Variants in THADA observed in about 807,000 individuals in gnomAD.
The protein encoded by THADA is THADA armadillo repeat containing.
In THADA, 213 loss-of-function variants were observed where a neutral mutation model predicts 219.8. That is an observed-to-expected ratio of 0.97 (90% confidence interval 0.87 to 1.09). The LOEUF is 1.09. Ranked by LOEUF, THADA falls within the 50% of genes least tolerant of loss-of-function variation. THADA has a pLI of 0.00. For missense variants in THADA, 2,956 were observed against 2,311.3 expected, an observed-to-expected ratio of 1.28 and a Z score of -5.72; for synonymous variants, 1,018 against 828.9, an observed-to-expected ratio of 1.23 and a Z score of -3.92.
At chr2:43,575,702 A>G (rs1699780977) in intron 10 of THADA, among the ~76,000 whole-genome samples, 1 of 151,848 alleles carries the variant, frequency 6.6e-6, no homozygotes, top group African/African-American at 2.4e-5. Flanking sequence ...ATGCCTAGAT[A>G]ATTTTTTGTA....
chr2:43,327,837 T>G (rs1216999977), intron 30 of THADA, among the ~76,000 whole-genome samples: 1 of 152,196 alleles, frequency 6.6e-6, no homozygotes, highest in Non-Finnish European at 1.5e-5. Context: ...TCCAGACAAC[T>G]ACCTCTGAGG....
chr2:43,511,277 T>G (rs572161961), intron 22 of THADA, among the ~76,000 whole-genome samples: 93 of 152,282 alleles, frequency 6.1e-4, no homozygotes, highest in African/African-American at 2.2e-3. Flanking sequence ...ATTTCCTAAG[T>G]GTGCTGAAAT....
chr2:43,253,341 T>A (rs1670000015), intron 36 of THADA, among the ~76,000 whole-genome samples: 1 of 151,964 alleles, frequency 6.6e-6, no homozygotes, highest in Non-Finnish European at 1.5e-5. Context: ...TTGGGGAGGA[T>A]AAGAAGACAG....
chr2:43,445,521 C>A lies in THADA; in HGVS notation c.3837-15219G>T, dbSNP rs555830495. Reference sequence around the variant, plus strand: ...AGTCTGTGTATTCATAGCGATGGATCTACCAGGAAGCCCTTTCAGGCAGAC... The same window carrying A: ...AGTCTGTGTATTCATAGCGATGGATATACCAGGAAGCCCTTTCAGGCAGAC... On this transcript the variant is annotated intron_variant, in intron 26 of 37. Transcript: ENST00000405975. Among the ~76,000 whole-genome samples, 187 of 152,346 alleles carry A rather than the reference C, an allele frequency of 1.2e-3. 1 individual carries two copies. The highest frequency in any genetic ancestry group is 1.1e-3 in the Non-Finnish European group (75 of 68,030).
chr2:43,547,758 T>C (rs1696221102), intron 20 of THADA, among the ~76,000 whole-genome samples: 2 of 152,334 alleles, frequency 1.3e-5, no homozygotes, highest in East Asian at 1.9e-4. Flanking sequence ...ATTCTAGTTA[T>C]ACATTTGTCT....
chr2:43,383,535 G>C (rs529734177), intron 29 of THADA, among the ~76,000 whole-genome samples: 3 of 152,170 alleles, frequency 2.0e-5, no homozygotes, highest in Non-Finnish European at 4.4e-5. Flanking sequence ...CAACCATCTA[G>C]CTACTAGCTG....
chr2:43,549,503 G>C, intron 19 of THADA, 135 bp from the exon 20 acceptor site: 2 of 860,430 alleles, frequency 2.3e-6, no homozygotes, highest in Non-Finnish European at 3.4e-6. Flanking sequence ...CTCACAAGGT[G>C]GATAATATGA....
Position 43,574,948 on chromosome 2 carries a change from A to C in THADA, c.1117T>G (p.Ser373Ala). 6.2e-7 allele frequency: 1 copy of C among 1,614,034 alleles called. No individual in the cohort carries two copies. The highest frequency in any genetic ancestry group is 8.5e-7 in the Non-Finnish European group (1 of 1,179,900). ...WTNSAIQVLE[S>A]SSPSLTDSLN... ...CTGTCCGTTAGGCTCGGGGAACTTG[A>C]TTCAAGGACTTGTATGGCTGAATTA... is the stretch of plus-strand genomic sequence containing the variant. Residue 373 changes from serine (S) to alanine (A), a missense_variant, in exon 11 of 38, where the codon TCA (serine) becomes GCA (alanine). Ser to Ala is a moderately conservative substitution (Grantham distance 99). Coordinates refer to ENST00000405975, the MANE Select transcript of THADA (RefSeq NM_022065.5).
chr2:43,339,283 A>G lies in THADA; in HGVS notation c.4343+4839T>C, dbSNP rs13422828. ...TCACATCCACTGCATGCATGCATTC[A>G]TTCATTCATTTTCTTGAGACAGAGT... On this transcript the variant is annotated intron_variant, in intron 30 of 37. Coordinates refer to ENST00000405975, the MANE Select transcript of THADA (RefSeq NM_022065.5). Among the ~76,000 whole-genome samples, 585 of 152,274 alleles carry G rather than the reference A, an allele frequency of 3.8e-3. 6 individuals carry two copies. Among genetic ancestry groups the G allele is most frequent in the African/African-American group, 0.013 (559 of 41,528 alleles).
At chr2:43,312,988 T>A (rs991727356) in intron 31 of THADA, among the ~76,000 whole-genome samples, 1 of 152,158 alleles carries the variant, frequency 6.6e-6, no homozygotes, top group African/African-American at 2.4e-5. Context: ...AAAGCAGGTG[T>A]TTGTAAGATG....
chr2:43,283,684 T>C (rs189042932), intron 35 of THADA, among the ~76,000 whole-genome samples: 13 of 152,292 alleles, frequency 8.5e-5, no homozygotes, highest in East Asian at 1.9e-4. Flanking sequence ...CAGAAAAAAT[T>C]TGTAAGCAGC....
chr2:43,471,954 A>T (rs1375178264), intron 26 of THADA, among the ~76,000 whole-genome samples: 6 of 152,176 alleles, frequency 3.9e-5, no homozygotes, highest in African/African-American at 1.4e-4. Context: ...ATGCACACAA[A>T]CCCACTCAAG....
intron 36 of THADA, among the ~76,000 whole-genome samples, chr2:43,256,220 C>T (rs377514969): frequency 1.3e-5 from 2 of 152,128 alleles, no homozygotes; most frequent in Admixed American, 6.5e-5. Context: ...AACAGAAACC[C>T]GCTTACGTCT....
chr2:43,245,172 C>CTTTTTTTT lies in THADA; in HGVS notation c.5297-12298_5297-12291dup, dbSNP rs200036949. ...TACTGGAGCTTCTTTCTTTCTTCTT[C>CTTTTTTTT]TTTTTTTTTTTTTTTTTTGAGACGG... On this transcript the variant is annotated intron_variant, in intron 36 of 37. Transcript: ENST00000405975. 6.7e-3 allele frequency among the ~76,000 whole-genome samples: 695 copies of CTTTTTTTT among 103,020 alleles called. 69 individuals are homozygous for CTTTTTTTT. The highest frequency in any genetic ancestry group is 0.017 in the South Asian group (45 of 2,718). 67.6% of individuals were successfully genotyped at this position (103,020 alleles called of 152,430 possible). A position where few individuals can be genotyped will look rare whatever the true frequency, so the allele number is the denominator to read the frequency against.
At chr2:43,353,165 T>C (rs887888918) in intron 29 of THADA, among the ~76,000 whole-genome samples, 1 of 152,168 alleles carries the variant, frequency 6.6e-6, no homozygotes, top group African/African-American at 2.4e-5. Flanking sequence ...GATACCCAGG[T>C]TATTTCACTT....
chr2:43,299,617 GGGCTGCTGC>G (rs1397227898), intron 31 of THADA, among the ~76,000 whole-genome samples: 2 of 152,238 alleles, frequency 1.3e-5, no homozygotes, highest in Admixed American at 1.3e-4. Context: ...AGCCAAGATA[GGGCTGCTGC>G]ACTCCAGCCT....
chr2:43,536,844 TC>T (rs1694677949), intron 21 of THADA, among the ~76,000 whole-genome samples: 1 of 152,210 alleles, frequency 6.6e-6, no homozygotes, highest in Non-Finnish European at 1.5e-5. Context: ...AGAACCTACT[TC>T]ACAGGATTAT....
chr2:43,450,439 T>A (rs1682168658), intron 26 of THADA, among the ~76,000 whole-genome samples: 1 of 152,062 alleles, frequency 6.6e-6, no homozygotes, highest in Non-Finnish European at 1.5e-5. Context: ...ATTAGAATGT[T>A]ACAACCTTAG....
intron 28 of THADA, among the ~76,000 whole-genome samples, chr2:43,417,651 T>G (rs188606456): frequency 6.6e-6 from 1 of 152,358 alleles, no homozygotes. Context: ...AATTTTGGCA[T>G]GCTGAGAACT....
Sources: allele counts gnomAD v4.1 joint callset (sites outside exome capture counted in the v4.1 genomes callset), GRCh38; gene constraint gnomAD v4.1.1; transcripts MANE v1.5; gene names NCBI Gene and HGNC (gene_info 2026-07-23, HGNC 2026-07-21).